The following ERI1 variants were observed in gnomAD, a reference collection of about 807,000 sequenced individuals.
The protein encoded by ERI1 is 3'-5' exoribonuclease 1.
In ERI1, 39 loss-of-function variants were observed where a neutral mutation model predicts 39.7. The observed-to-expected ratio is 0.98, with a 90% CI of 0.76 to 1.28. The LOEUF is 1.28. Ranked by LOEUF, ERI1 falls within the 50% of genes most tolerant of loss-of-function variation. ERI1 has a pLI of 0.00. For missense variants in ERI1, 581 were observed against 416.9 expected (o/e 1.39, Z -3.43); for synonymous variants, 204 against 149.6 (o/e 1.36, Z -2.65).
At chr8:9,086,243 C>T (rs1055128177) in intron 3 of ERI1, among the ~76,000 whole-genome samples, 4 of 152,006 alleles carry the variant, frequency 2.6e-5, no homozygotes, top group African/African-American at 9.7e-5. Flanking sequence ...GTGAGACCAC[C>T]AATGCTACAA....
chr8:9,044,586 G>A (rs951009339), intron 3 of ERI1, among the ~76,000 whole-genome samples: 5 of 152,160 alleles, frequency 3.3e-5, no homozygotes, highest in African/African-American at 1.2e-4. Context: ...AGGAGCAGAA[G>A]CAAAGCTTAA....
intron 3 of ERI1, among the ~76,000 whole-genome samples, chr8:9,059,205 CTTGTT>C (rs1229559401): frequency 6.6e-6 from 1 of 152,080 alleles, no homozygotes; most frequent in Non-Finnish European, 1.5e-5. Flanking sequence ...GCCATTTTCA[CTTGTT>C]TTGTGGTGGA....
chr8:9,003,189 G>C lies in ERI1; in HGVS notation c.108+18G>C. The C allele has an allele frequency of 8.1e-7, 1 of 1,235,294 alleles. No homozygotes were observed. 76.5% of individuals were successfully genotyped at this position (1,235,294 alleles called of 1,614,324 possible). A position where few individuals can be genotyped will look rare whatever the true frequency, so the allele number is the denominator to read the frequency against. On this transcript the variant is annotated intron_variant, in intron 1 of 6. Coordinates refer to ENST00000250263, the MANE Select transcript of ERI1 (RefSeq NM_153332.4). ...GTCCCGAGGTGAGGAGTCGACCCGC[G>C]CCTGGCTGTTGGCGCCAGCTGCCCC...
downstream of ERI1, among the ~76,000 whole-genome samples, chr8:9,035,670 AAC>A (rs967104244): frequency 2.6e-5 from 4 of 152,242 alleles, no homozygotes; most frequent in African/African-American, 9.6e-5. Context: ...AATGCCTACA[AAC>A]ACAATATCCA....
In ERI1 at chr8:9,020,460, A is replaced by G. The variant is rs773294251; in HGVS notation, c.803A>G (p.Tyr268Cys). 1.3e-6 allele frequency: 2 copies of G among 1,575,680 alleles called. No individual in the cohort carries two copies. The highest frequency in any genetic ancestry group is 1.7e-6 in the Non-Finnish European group (2 of 1,156,042). Reference sequence around the variant, plus strand: ...ATTCGGAAGTCATATGGAAATTTTTACAAGGTAAAATTTCTATATTTAATA... The same window carrying G: ...ATTCGGAAGTCATATGGAAATTTTTGCAAGGTAAAATTTCTATATTTAATA... The part of the protein sequence containing the change: ...INIRKSYGNF[Y>C]KVPRSQTKLT... Residue 268 changes from tyrosine to cysteine, a missense_variant, in exon 6 of 7, where the codon TAC becomes TGC. Tyr to Cys is a radical substitution (Grantham distance 194, BLOSUM62 -2). Coordinates refer to ENST00000250263, the MANE Select transcript of ERI1 (RefSeq NM_153332.4).
At chr8:9,023,418 C>T (rs28613109) in intron 6 of ERI1, among the ~76,000 whole-genome samples, 1 of 151,958 alleles carries the variant, frequency 6.6e-6, no homozygotes, top group African/African-American at 2.4e-5. Flanking sequence ...ATTAATAAAC[C>T]TTAAAATAAT....
At chr8:9,051,650 C>T (rs2117374457) in intron 3 of ERI1, among the ~76,000 whole-genome samples, 1 of 136,890 alleles carries the variant, frequency 7.3e-6, no homozygotes, top group African/African-American at 2.8e-5. Flanking sequence ...GCGCTGAGAC[C>T]CTGTCTCAAA....
At chr8:9,046,910 G>A (rs965421096) in intron 3 of ERI1, among the ~76,000 whole-genome samples, 10 of 152,218 alleles carry the variant, frequency 6.6e-5, no homozygotes, top group African/African-American at 2.4e-4. Context: ...CACACACGCT[G>A]ATTGCAGCCT....
At chr8:9,009,215 A>G (rs776795209) in intron 2 of ERI1, 3 of 368,966 alleles carry the variant, frequency 8.1e-6, no homozygotes, top group East Asian at 7.4e-5. Flanking sequence ...ATAAAGGTAA[A>G]TACAGATATG....
At chr8:9,055,386 C>A (rs1274682931) in intron 3 of ERI1, among the ~76,000 whole-genome samples, 1 of 152,228 alleles carries the variant, frequency 6.6e-6, no homozygotes, top group Non-Finnish European at 1.5e-5. Context: ...CTTGACTTAA[C>A]AGAACTGATG....
intron 1 of ERI1, among the ~76,000 whole-genome samples, chr8:9,004,681 A>C (rs950580495): frequency 1.4e-5 from 2 of 143,594 alleles, no homozygotes; most frequent in African/African-American, 5.2e-5. Flanking sequence ...AATAGTAATG[A>C]TACTTTTTTT....
At chr8:9,036,285 A>T (rs1167240569), downstream of ERI1, among the ~76,000 whole-genome samples, 2 of 152,198 alleles carry the variant, frequency 1.3e-5, no homozygotes, top group Admixed American at 1.3e-4. Context: ...TGAAAGCACA[A>T]ATATCAGTTG....
chr8:9,062,461 G>C (rs1798731741), intron 3 of ERI1, among the ~76,000 whole-genome samples: 1 of 150,936 alleles, frequency 6.6e-6, no homozygotes, highest in African/African-American at 2.4e-5. Flanking sequence ...GTGCAAAAAA[G>C]AATGTTTTCT....
chr8:9,055,706 A>T (rs908500555), intron 3 of ERI1, among the ~76,000 whole-genome samples: 4 of 152,044 alleles, frequency 2.6e-5, no homozygotes, highest in African/African-American at 9.7e-5. Flanking sequence ...TGCCTGGCTA[A>T]TTTTTTGTAT....
intron 3 of ERI1, among the ~76,000 whole-genome samples, chr8:9,042,278 C>G (rs1395695827): frequency 6.6e-6 from 1 of 152,178 alleles, no homozygotes; most frequent in Non-Finnish European, 1.5e-5. Flanking sequence ...GCGATAATTT[C>G]TCTCTGTGGC....
rs3989371 is a variant in ERI1, at chr8:9,049,336, CAAAAAAAAA to C, written n.299+28893_299+28901del. 6.9e-4 allele frequency among the ~76,000 whole-genome samples: 23 copies of C among 33,246 alleles called. No homozygotes were observed. In the South Asian group the frequency reaches 0.013, roughly 19 times the overall value. The allele number at this position is 33,246 out of a possible 152,430, so 21.8% of individuals were successfully genotyped here. A position where few individuals can be genotyped will look rare whatever the true frequency, so the allele number is the denominator to read the frequency against. On this transcript the variant is annotated intron_variant and non_coding_transcript_variant, in intron 3 of 3. Coordinates refer to the ERI1 transcript ENST00000518663. ...GGGCGACAGAGTGAGACTCCGTCTC[CAAAAAAAAA>C]AAAAAAAAAAAAAAAAAAAAGAGCA...
chr8:9,082,110 C>T (rs944842401), intron 3 of ERI1, among the ~76,000 whole-genome samples: 2 of 152,128 alleles, frequency 1.3e-5, no homozygotes, highest in Non-Finnish European at 2.9e-5. Context: ...ATATTTCTTA[C>T]GACTCCAGGA....
At chr8:9,084,224 T>C (rs1445571609) in intron 3 of ERI1, among the ~76,000 whole-genome samples, 2 of 152,170 alleles carry the variant, frequency 1.3e-5, no homozygotes, top group African/African-American at 4.8e-5. Flanking sequence ...TTCGTGGCAT[T>C]ACTGCTTTCC....
intron 2 of ERI1, among the ~76,000 whole-genome samples, chr8:9,009,609 G>A (rs1816449786): frequency 2.0e-5 from 3 of 151,542 alleles, no homozygotes; most frequent in Admixed American, 1.3e-4. Context: ...GTGTGATCTC[G>A]GCTCACTGCA....
Sources: gnomAD v4.1 joint callset for allele counts (sites outside exome capture counted in the v4.1 genomes callset) on GRCh38, gnomAD v4.1.1 for gene constraint, MANE v1.5 for transcripts, NCBI Gene and HGNC (gene_info 2026-07-23, HGNC 2026-07-21) for gene names.